The following B4GALT4 variants were observed in gnomAD, a reference collection of about 807,000 sequenced individuals.
B4GALT4 encodes the protein beta-1,4-galactosyltransferase 4.
In B4GALT4, 27 loss-of-function variants were observed where a neutral mutation model predicts 37.3. The ratio of observed to expected loss-of-function variants is 0.72; its 90% CI spans 0.53 to 1.00. The LOEUF (loss-of-function observed/expected upper bound fraction) is 1.00, where lower values mean the gene tolerates loss of function less well. Among genes scored for constraint, B4GALT4 ranks in the 50% least tolerant of loss-of-function variants. The pLI is 0.00. For synonymous variants in B4GALT4, 148 were observed against 154.1 expected (o/e 0.96, Z 0.29); for missense variants, 372 against 413.1 (o/e 0.90, Z 0.86).
chr3:119,218,560 C>G (rs1294671952), intron 6 of B4GALT4, 90 bp downstream of exon 6: 1 of 1,556,496 alleles, frequency 6.4e-7, no homozygotes, highest in Non-Finnish European at 8.7e-7. Flanking sequence ...ACCTGCTGGA[C>G]TGGCATCTAA....
At chr3:119,220,715 G>A (rs1228495147) in intron 5 of B4GALT4, among the ~76,000 whole-genome samples, 1 of 152,174 alleles carries the variant, frequency 6.6e-6, no homozygotes, top group Non-Finnish European at 1.5e-5. Context: ...TTAAAGAATT[G>A]TCTCTCCACG....
At chr3:119,214,022 A>G (rs4422292) in intron 7 of B4GALT4, 138,567 of 152,110 alleles carry the variant, frequency 0.91, 63,469 homozygotes, top group East Asian at 1. Context: ...CCAGGAGTTT[A>G]AGACCAGCCT....
In B4GALT4 at chr3:119,224,604, T is replaced by C. The variant is rs575968843; in HGVS notation, c.487-359A>G. 1.4e-4 allele frequency among the ~76,000 whole-genome samples: 21 copies of C among 152,316 alleles called. 1 individual carries two copies. The highest frequency in any genetic ancestry group is 5.1e-4 in the African/African-American group (21 of 41,574). ...ATTGCATAATTATGCATAGATACAT[T>C]GCATGTAAATATTCTTAACATTACT... On this transcript the variant is annotated intron_variant, in intron 4 of 7. Transcript: ENST00000393765.
At chr3:119,229,095 T>C (rs1313255117) in intron 3 of B4GALT4, among the ~76,000 whole-genome samples, 1 of 152,184 alleles carries the variant, frequency 6.6e-6, no homozygotes, top group East Asian at 1.9e-4. Flanking sequence ...TTGAAAAACT[T>C]ACCTAGTCTC....
In B4GALT4 at chr3:119,211,751, C is replaced by T. The variant is rs184025270; in HGVS notation, c.*798G>A. On this transcript the variant is annotated 3_prime_UTR_variant, in exon 8 of 8. Coordinates refer to ENST00000393765, the MANE Select transcript of B4GALT4 (RefSeq NM_003778.4). ...CGAAGGAACACTCAAAGCTTTTTCA[C>T]ATTTTACTACAGAGGTATTTGATAG... 20 of 168,492 alleles carry T rather than the reference C, an allele frequency of 1.2e-4. No individual in the cohort carries two copies. In the East Asian group the frequency reaches 2.7e-3, roughly 23 times the overall value. 10.4% of individuals were successfully genotyped at this position (168,492 alleles called of 1,614,324 possible). A position where few individuals can be genotyped will look rare whatever the true frequency, so the allele number is the denominator to read the frequency against.
chr3:119,229,968 T>C lies in B4GALT4; in HGVS notation c.132A>G (p.Ala44=), dbSNP rs2078756249. Residue 44 remains alanine (A), a synonymous_variant, in exon 3 of 8, where the codon GCA becomes GCG. Coordinates refer to ENST00000393765, the MANE Select transcript of B4GALT4 (RefSeq NM_003778.4). The part of the protein sequence containing the change: ...FVGAIQEIPK[A]KEFMANFHKT... ...TATGGAAATTAGCCATGAACTCCTT[T>C]GCTTTAGGAATCTCTTGAATGGCAC... is the stretch of plus-strand genomic sequence containing the variant. The C allele has an allele frequency of 6.2e-7, 1 of 1,614,070 alleles. No homozygotes were observed. Among genetic ancestry groups the C allele is most frequent in the South Asian group, 1.1e-5 (1 of 91,092 alleles).
intron 4 of B4GALT4, among the ~76,000 whole-genome samples, chr3:119,226,152 T>G (rs1442935907): frequency 6.6e-6 from 1 of 152,190 alleles, no homozygotes. Context: ...TAGTTTTCTT[T>G]CAATAAACTT....
intron 7 of B4GALT4, chr3:119,214,871 A>T (rs2078248554): frequency 6.6e-6 from 1 of 152,208 alleles, no homozygotes; most frequent in African/African-American, 2.4e-5. Flanking sequence ...ACTGATGAGG[A>T]ATCTCACAAT....
chr3:119,226,752 A>G, intron 4 of B4GALT4, 57 bp downstream of exon 4: 1 of 1,465,688 alleles, frequency 6.8e-7, no homozygotes, highest in Non-Finnish European at 9.4e-7. Context: ...TCACATGGCC[A>G]AGTCTGGCAG....
At chr3:119,232,766 T>C (rs2078862174) in intron 2 of B4GALT4, among the ~76,000 whole-genome samples, 1 of 152,186 alleles carries the variant, frequency 6.6e-6, no homozygotes, top group Non-Finnish European at 1.5e-5. Flanking sequence ...AGGATCTTAA[T>C]CTTAGAAAAT....
At chr3:119,237,498 G>A (rs1308250264) in intron 1 of B4GALT4, among the ~76,000 whole-genome samples, 1 of 152,146 alleles carries the variant, frequency 6.6e-6, no homozygotes, top group Non-Finnish European at 1.5e-5. Context: ...GCAGATTCCT[G>A]GGCCCCACTC....
At chr3:119,216,438 A>T in intron 6 of B4GALT4, 94 bp from the exon 7 acceptor site, 1 of 21,374 alleles carries the variant, frequency 4.7e-5, no homozygotes, top group Non-Finnish European at 7.8e-5. Flanking sequence ...ATACACACAC[A>T]CGCACATACA....
chr3:119,212,277 T>A lies in B4GALT4; in HGVS notation c.*272A>T. 1 of 699,292 alleles carries A rather than the reference T, an allele frequency of 1.4e-6. No individual in the cohort carries two copies. The highest frequency in any genetic ancestry group is 2.6e-6 in the Non-Finnish European group (1 of 383,658). 43.3% of individuals were successfully genotyped at this position (699,292 alleles called of 1,614,324 possible). A position where few individuals can be genotyped will look rare whatever the true frequency, so the allele number is the denominator to read the frequency against. ...GAGTCCTCAAATAGCGTTCATTTTA[T>A]CCTTTGAGTCATCCTTTTATATAAA... On this transcript the variant is annotated 3_prime_UTR_variant, in exon 8 of 8. Transcript: ENST00000393765.
At chr3:119,220,734 C>T (rs1159955466) in intron 5 of B4GALT4, among the ~76,000 whole-genome samples, 1 of 152,180 alleles carries the variant, frequency 6.6e-6, no homozygotes, top group African/African-American at 2.4e-5. Flanking sequence ...CGCCTGTAAT[C>T]CCAGCACTTT....
rs185620268 is a variant in B4GALT4 at position 119,217,784 on chromosome 3, G to A, written c.797+866C>T. On this transcript the variant is annotated intron_variant, in intron 6 of 7. Coordinates refer to ENST00000393765, the MANE Select transcript of B4GALT4 (RefSeq NM_003778.4). Reference sequence around the variant, plus strand: ...CTCAAACCCGGGAGGCAGAGGTTGCGGTGAGTCGAGATCACGTCACTGCAC... The same window carrying A: ...CTCAAACCCGGGAGGCAGAGGTTGCAGTGAGTCGAGATCACGTCACTGCAC... 9.3e-3 allele frequency among the ~76,000 whole-genome samples: 1,411 copies of A among 150,970 alleles called. 14 individuals carry two copies. Among genetic ancestry groups the A allele is most frequent in the Middle Eastern group, 0.017 (5 of 292 alleles).
At chr3:119,232,658 G>C (rs2078858650) in intron 2 of B4GALT4, 1 of 152,064 alleles carries the variant, frequency 6.6e-6, no homozygotes, top group African/African-American at 2.4e-5. Context: ...TTCCCACCTG[G>C]TGACAGTAAG....
chr3:119,224,666 T>C (rs1391089301), intron 4 of B4GALT4, among the ~76,000 whole-genome samples: 1 of 152,016 alleles, frequency 6.6e-6, no homozygotes, highest in African/African-American at 2.4e-5. Flanking sequence ...ATAGCAAAAA[T>C]TTTAAAAAGT....
chr3:119,219,935 C>T (rs903330879), intron 5 of B4GALT4, among the ~76,000 whole-genome samples: 1 of 152,000 alleles, frequency 6.6e-6, no homozygotes, highest in Non-Finnish European at 1.5e-5. Context: ...TGTTCCAGGA[C>T]CGATAAAATA....
At chr3:119,231,783 A>T (rs2078827694) in intron 2 of B4GALT4, among the ~76,000 whole-genome samples, 1 of 102,502 alleles carries the variant, frequency 9.8e-6, no homozygotes, top group Non-Finnish European at 1.9e-5. Context: ...AATTTTTAAT[A>T]GTATATTTTA....
Sources: gnomAD v4.1 joint callset for allele counts (sites outside exome capture counted in the v4.1 genomes callset) on GRCh38, gnomAD v4.1.1 for gene constraint, MANE v1.5 for transcripts, NCBI Gene and HGNC (gene_info 2026-07-23, HGNC 2026-07-21) for gene names.